The following TMEM132B variants were observed in gnomAD, a reference collection of about 807,000 sequenced individuals.
TMEM132B encodes transmembrane protein 132B.
TMEM132B carries 18 observed loss-of-function variants against 90.8 expected under a neutral mutation model. That is an observed-to-expected ratio of 0.20 (90% CI 0.14 to 0.29). The LOEUF (loss-of-function observed/expected upper bound fraction) is 0.29. Ranked by LOEUF, TMEM132B falls within the 10% of genes least tolerant of loss-of-function variation. TMEM132B has a pLI of 1.00. For missense variants in TMEM132B, 1,096 were observed against 1,326.8 expected, an observed-to-expected ratio of 0.83 and a Z score of 2.70; for synonymous variants, 504 against 523.3, an observed-to-expected ratio of 0.96 and a Z score of 0.50.
intron 2 of TMEM132B, among the ~76,000 whole-genome samples, chr12:125,400,908 T>C (rs757489450): frequency 1.3e-5 from 2 of 152,170 alleles, no homozygotes; most frequent in Non-Finnish European, 2.9e-5. Context: ...CACAGAGTGT[T>C]CTGAGGACCC....
chr12:125,599,157 T>C (rs1885512922), intron 5 of TMEM132B, among the ~76,000 whole-genome samples: 1 of 152,044 alleles, frequency 6.6e-6, no homozygotes, highest in African/African-American at 2.4e-5. Flanking sequence ...GGGGTGTGGG[T>C]TTTTCCCATG....
rs750158565 is a variant in TMEM132B, at chr12:125,251,825, A to G, written c.67+64959A>G. On this transcript the variant is annotated intron_variant, in intron 1 of 8. Coordinates refer to ENST00000682704, the MANE Select transcript of TMEM132B (RefSeq NM_001366854.1). The surrounding 1 kb of genome is among the most constrained non-coding windows in gnomAD (Gnocchi z 4.4). ...TTCATGTGAAATTTCCCAAGTTTAT[A>G]ACGTTAATAATCATAATTTTAAAAA... is the stretch of plus-strand genomic sequence containing the variant. 1.3e-5 allele frequency among the ~76,000 whole-genome samples: 2 copies of G among 152,218 alleles called. No individual in the cohort carries two copies. The highest frequency in any genetic ancestry group is 2.4e-5 in the African/African-American group (1 of 41,452).
chr12:125,290,612 C>T (rs1261378481), intron 1 of TMEM132B, among the ~76,000 whole-genome samples: 1 of 152,226 alleles, frequency 6.6e-6, no homozygotes, highest in Non-Finnish European at 1.5e-5. Context: ...TGGTGGGACT[C>T]ATCTGTGCTG....
intron 3 of TMEM132B, among the ~76,000 whole-genome samples, chr12:125,439,712 G>A (rs1880812209): frequency 6.6e-6 from 1 of 152,166 alleles, no homozygotes; most frequent in African/African-American, 2.4e-5. Flanking sequence ...GTGTTGAATA[G>A]GAGTGGTGAA....
At chr12:125,475,921 A>G (rs1208125344) in intron 3 of TMEM132B, among the ~76,000 whole-genome samples, 1 of 152,194 alleles carries the variant, frequency 6.6e-6, no homozygotes, top group Non-Finnish European at 1.5e-5. Flanking sequence ...AGTATTGCTG[A>G]TATAATTCTT....
chr12:125,409,499 G>A (rs1172016471), intron 2 of TMEM132B, among the ~76,000 whole-genome samples: 1 of 152,096 alleles, frequency 6.6e-6, no homozygotes, highest in African/African-American at 2.4e-5. Context: ...AGACTGAGGC[G>A]AGCGAGAAAA....
At chr12:125,580,069 C>T (rs1235325077) in intron 4 of TMEM132B, among the ~76,000 whole-genome samples, 1 of 152,094 alleles carries the variant, frequency 6.6e-6, no homozygotes, top group African/African-American at 2.4e-5. Context: ...ATACCTGACA[C>T]CTGCCTTAGC....
At chr12:125,491,481 G>A (rs185548056) in intron 3 of TMEM132B, among the ~76,000 whole-genome samples, 2 of 152,166 alleles carry the variant, frequency 1.3e-5, no homozygotes, top group African/African-American at 2.4e-5. Context: ...CTTCAAAGCC[G>A]CAGCTCACCA....
rs550270475 is a variant in TMEM132B, at chr12:125,304,941, T to G, written c.68-44511T>G. The stretch of plus-strand genomic sequence containing the variant: ...CACTGGTGAGCTTTTTCCTGAGTGT[T>G]GGGAGGTCATTGTTCTCTCTGGTAA... On this transcript the variant is annotated intron_variant, in intron 1 of 8. Coordinates refer to ENST00000682704, the MANE Select transcript of TMEM132B (RefSeq NM_001366854.1). Among the ~76,000 whole-genome samples, 7 of 152,306 alleles carry G rather than the reference T, an allele frequency of 4.6e-5. No individual in the cohort carries two copies. In the East Asian group the frequency reaches 1.3e-3, roughly 29 times the overall value.
intron 4 of TMEM132B, among the ~76,000 whole-genome samples, chr12:125,568,056 C>T (rs1884702117): frequency 1.3e-5 from 2 of 152,130 alleles, no homozygotes; most frequent in Non-Finnish European, 2.9e-5. Flanking sequence ...CTCTGGCTTT[C>T]TCTGTCTCTA....
At chr12:125,515,397 AC>A (rs1883102759) in intron 3 of TMEM132B, among the ~76,000 whole-genome samples, 1 of 90,812 alleles carries the variant, frequency 1.1e-5, no homozygotes, top group Non-Finnish European at 2.0e-5. Flanking sequence ...ACATTCTCTC[AC>A]AAATACATTC....
intron 2 of TMEM132B, among the ~76,000 whole-genome samples, chr12:125,392,181 A>G (rs1879043798): frequency 6.6e-6 from 1 of 152,208 alleles, no homozygotes; most frequent in Admixed American, 6.5e-5. Flanking sequence ...TGAGAAATAT[A>G]CCTACTACGT....
chr12:125,610,769 A>G (rs564108136), intron 5 of TMEM132B, among the ~76,000 whole-genome samples: 6 of 152,224 alleles, frequency 3.9e-5, no homozygotes, highest in African/African-American at 7.2e-5. Flanking sequence ...ATGAAGCTAT[A>G]TATAGTTGGA....
rs908812023 is a variant in TMEM132B, at chr12:125,458,655, G to A, written c.1106+42978G>A. ...TGAGACTCACATCCATGCGGCCAGC[G>A]TCCGTGTCCCCTGCCTCTGAGAATG... On this transcript the variant is annotated intron_variant, in intron 3 of 8. Transcript: ENST00000682704. The surrounding 1 kb of genome is among the most constrained non-coding windows in gnomAD (Gnocchi z 4.9). Among the ~76,000 whole-genome samples, 13 of 152,146 alleles carry A rather than the reference G, an allele frequency of 8.5e-5. No homozygotes were observed. The highest frequency in any genetic ancestry group is 1.9e-4 in the East Asian group (1 of 5,182).
intron 3 of TMEM132B, among the ~76,000 whole-genome samples, chr12:125,432,469 A>ATG (rs1267791422): frequency 1.0e-5 from 1 of 95,414 alleles, no homozygotes; most frequent in Non-Finnish European, 2.0e-5. Context: ...GTGTATATAT[A>ATG]TGTATGTGTA....
At chr12:125,614,352 G>C (rs1383218262) in intron 5 of TMEM132B, among the ~76,000 whole-genome samples, 1 of 152,156 alleles carries the variant, frequency 6.6e-6, no homozygotes, top group Non-Finnish European at 1.5e-5. Context: ...ACTTATAAGT[G>C]AGAACATGCA....
chr12:125,331,041 G>T (rs907193481), intron 1 of TMEM132B, among the ~76,000 whole-genome samples: 107 of 152,338 alleles, frequency 7.0e-4, no homozygotes, highest in Non-Finnish European at 4.6e-4. Context: ...TCTGGAAGAG[G>T]GGAGGGATGC....
chr12:125,255,730 C>T (rs1874424872), intron 1 of TMEM132B, among the ~76,000 whole-genome samples: 1 of 152,088 alleles, frequency 6.6e-6, no homozygotes, highest in African/African-American at 2.4e-5. Context: ...TTTGATCTCA[C>T]AGGGGCAGTT....
At chr12:125,293,212 A>G (rs1875586290) in intron 1 of TMEM132B, among the ~76,000 whole-genome samples, 1 of 152,252 alleles carries the variant, frequency 6.6e-6, no homozygotes. Flanking sequence ...GTGGTTGCTC[A>G]CATGGACAAG....
Sources: allele counts gnomAD v4.1 joint callset (sites outside exome capture counted in the v4.1 genomes callset), GRCh38; gene constraint gnomAD v4.1.1; non-coding constraint Gnocchi (gnomAD v3.1); transcripts MANE v1.5; gene names NCBI Gene and HGNC (gene_info 2026-07-23, HGNC 2026-07-21).